Variants in STARD5 observed in about 807,000 individuals in gnomAD.
STARD5 encodes StAR related lipid transfer domain containing 5.
A neutral mutation model predicts 24.6 loss-of-function variants in STARD5; 26 were observed. The ratio of observed to expected loss-of-function variants is 1.06; its 90% CI spans 0.77 to 1.47. The LOEUF (loss-of-function observed/expected upper bound fraction) is 1.47. STARD5 is among the 40% of genes most tolerant of loss of function. The probability of loss-of-function intolerance (pLI) is 0.00; values close to 1 mark genes in which losing one functional copy is unlikely to be tolerated. For synonymous variants in STARD5, 101 were observed against 99.7 expected, an observed-to-expected ratio of 1.01 and a Z score of -0.07; for missense variants, 254 against 270.8, an observed-to-expected ratio of 0.94 and a Z score of 0.44.
Position 81,313,386 on chromosome 15 carries a change from T to C in STARD5, c.512A>G (p.Asn171Ser). 1 of 1,564,782 alleles carries C rather than the reference T, an allele frequency of 6.4e-7. No homozygotes were observed. The highest frequency in any genetic ancestry group is 8.7e-7 in the Non-Finnish European group (1 of 1,153,996). ...GTCGGTATGGAAGAATGTGACCAGG[T>C]TGGTCTTGGTGGGTTCCCTGTGAAG... ...EPLPGEPTKT[N>S]LVTFFHTDLS... Residue 171 changes from asparagine to serine, a missense_variant, in exon 6 of 6, where the codon AAC (asparagine) becomes AGC (serine). By Grantham distance (46) the Asn-to-Ser change is conservative. Transcript: ENST00000302824.
chr15:81,318,634 G>C, intron 4 of STARD5, 132 bp from the exon 5 acceptor site: 1 of 739,090 alleles, frequency 1.4e-6, no homozygotes, highest in Non-Finnish European at 2.3e-6. Flanking sequence ...GCCTCTTGGC[G>C]TGAGTTCCCC....
chr15:81,313,543 C>T (rs1900980883), intron 5 of STARD5, 140 bp from the exon 6 acceptor site: 4 of 732,720 alleles, frequency 5.5e-6, no homozygotes, highest in South Asian at 7.9e-5. Flanking sequence ...GTGCCCTCCA[C>T]CCAGGAGTCC....
At chr15:81,317,588 G>C (rs1373805882) in intron 5 of STARD5, among the ~76,000 whole-genome samples, 1 of 152,204 alleles carries the variant, frequency 6.6e-6, no homozygotes, top group Admixed American at 6.5e-5. Flanking sequence ...GCTTAGCAAA[G>C]AGGGTAACAT....
chr15:81,319,991 T>C (rs967298802), intron 3 of STARD5, among the ~76,000 whole-genome samples: 20 of 152,332 alleles, frequency 1.3e-4, no homozygotes, highest in Middle Eastern at 3.4e-3. Flanking sequence ...CTCTTTGGTT[T>C]ACCCTAGTCC....
chr15:81,314,588 A>G (rs1012915961), intron 5 of STARD5, among the ~76,000 whole-genome samples: 23 of 152,126 alleles, frequency 1.5e-4, no homozygotes, highest in African/African-American at 5.3e-4. Context: ...GACCTTTTAG[A>G]ATCCCACTCC....
At chr15:81,319,832 G>A (rs1901160189) in intron 3 of STARD5, among the ~76,000 whole-genome samples, 2 of 152,166 alleles carry the variant, frequency 1.3e-5, no homozygotes, top group South Asian at 2.1e-4. Flanking sequence ...TGAGGAAACT[G>A]ACACTTAGAG....
intron 5 of STARD5, among the ~76,000 whole-genome samples, chr15:81,314,946 CAA>C (rs1359922243): frequency 7.1e-6 from 1 of 140,816 alleles, no homozygotes; most frequent in Non-Finnish European, 1.5e-5. Flanking sequence ...TACAGAAGGA[CAA>C]CTGGGGCATG....
At chr15:81,318,545 G>A (rs139996169) in intron 4 of STARD5, 43 bp from the exon 5 acceptor site, 42 of 1,570,330 alleles carry the variant, frequency 2.7e-5, no homozygotes, top group South Asian at 7.8e-5. Flanking sequence ...AACTTCAGAC[G>A]GTCAGGTCAC....
intron 5 of STARD5, among the ~76,000 whole-genome samples, chr15:81,314,624 C>CCTGTAA (rs773435286): frequency 1.3e-5 from 2 of 152,082 alleles, no homozygotes; most frequent in Non-Finnish European, 2.9e-5. Context: ...GTGGCTCATG[C>CCTGTAA]CTGTAATCCC....
intron 4 of STARD5, among the ~76,000 whole-genome samples, chr15:81,318,928 G>T (rs1245653983): frequency 6.6e-6 from 1 of 152,224 alleles, no homozygotes; most frequent in Non-Finnish European, 1.5e-5. Flanking sequence ...AAGAATTGGA[G>T]GAATGGCAGG....
intron 4 of STARD5, among the ~76,000 whole-genome samples, chr15:81,318,766 A>G (rs752970057): frequency 6.6e-5 from 10 of 152,162 alleles, no homozygotes; most frequent in Non-Finnish European, 1.3e-4. Context: ...ATCCACATTC[A>G]CACATAAACA....
chr15:81,322,775 CT>C (rs980009304), intron 2 of STARD5, 123 bp downstream of exon 2: 31 of 1,397,592 alleles, frequency 2.2e-5, no homozygotes, highest in Non-Finnish European at 2.9e-5. Context: ...AACAGTAAGG[CT>C]TTTCTGGAGG....
In STARD5 at chr15:81,313,326, G is replaced by A; in HGVS notation, c.572C>T (p.Ser191Phe). The A allele has an allele frequency of 6.3e-7, 1 of 1,579,598 alleles. No homozygotes were observed. Among genetic ancestry groups the A allele is most frequent in the Non-Finnish European group, 8.6e-7 (1 of 1,163,250 alleles). ...CCGGGTCATGCTGCGGGGGAAGAAGGAGTCCACCACGTTCTGTGGGAGGTA... is the reference window on the plus strand; with the variant it reads ...CCGGGTCATGCTGCGGGGGAAGAAGAAGTCCACCACGTTCTGTGGGAGGTA... The part of the protein sequence containing the change: ...SGYLPQNVVD[S>F]FFPRSMTRFY... The change falls in exon 6 of 6, where the codon TCC (serine) becomes TTC (phenylalanine). Residue 191 changes from serine to phenylalanine, a missense_variant. Coordinates refer to ENST00000302824, the MANE Select transcript of STARD5 (RefSeq NM_181900.3).
chr15:81,322,465 T>C lies in STARD5; in HGVS notation c.225A>G (p.Leu75=). The C allele has an allele frequency of 6.2e-7, 1 of 1,614,226 alleles. No individual in the cohort carries two copies. The highest frequency in any genetic ancestry group is 8.5e-7 in the Non-Finnish European group (1 of 1,180,040). Reference sequence around the variant, plus strand: ...TCACATTCTCATCCCACTTCACTCGTAGGCCTCCAACAGCTGGCTTCACAC... The same window carrying C: ...TCACATTCTCATCCCACTTCACTCGCAGGCCTCCAACAGCTGGCTTCACAC... The part of the protein sequence containing the change: ...WDCVKPAVGG[L]RVKWDENVTG... The change falls in exon 3 of 6, where the codon CTA becomes CTG. Residue 75 remains leucine (L), a synonymous_variant. Coordinates refer to ENST00000302824, the MANE Select transcript of STARD5 (RefSeq NM_181900.3).
rs183881611 is a variant in STARD5 at position 81,310,067 on chromosome 15, A to T, written c.*3189T>A. ...TGGATGCCTGATTGCCAAGCTCAGG[A>T]CCAGGCAATGTGACTTTGCATCAGC... On this transcript the variant is annotated 3_prime_UTR_variant, in exon 6 of 6. Transcript: ENST00000302824. The T allele has an allele frequency of 6.6e-6, 1 of 152,396 alleles. No homozygotes were observed. Among genetic ancestry groups the T allele is most frequent in the Non-Finnish European group, 1.5e-5 (1 of 68,048 alleles). The allele number at this position is 152,396 out of a possible 1,614,324, so 9.4% of individuals were successfully genotyped here.
chr15:81,322,960 C>T lies in STARD5; in HGVS notation c.100-12G>A, dbSNP rs200443527. 4 of 1,613,832 alleles carry T rather than the reference C, an allele frequency of 2.5e-6. No individual in the cohort carries two copies. The highest frequency in any genetic ancestry group is 1.6e-4 in the Middle Eastern group (1 of 6,084). ...ACTGAAACTCCATTCTGTCAAAAGG[C>T]ACAGAACCACAGAATTTTAGAGCTA... On this transcript the variant is annotated splice_polypyrimidine_tract_variant and intron_variant, in intron 1 of 5. Transcript: ENST00000302824.
chr15:81,319,780 C>G (rs1901158956), intron 3 of STARD5, among the ~76,000 whole-genome samples: 2 of 152,198 alleles, frequency 1.3e-5, no homozygotes, highest in South Asian at 4.1e-4. Context: ...TCTCAGCTGT[C>G]CCTTACCTTT....
At chr15:81,320,922 A>C (rs796483178) in intron 3 of STARD5, among the ~76,000 whole-genome samples, 27 of 152,346 alleles carry the variant, frequency 1.8e-4, no homozygotes, top group African/African-American at 6.3e-4. Context: ...CTATCCATCC[A>C]TCCACCTATC....
intron 5 of STARD5, among the ~76,000 whole-genome samples, chr15:81,315,541 T>C (rs1227095296): frequency 6.6e-6 from 1 of 152,146 alleles, no homozygotes; most frequent in Non-Finnish European, 1.5e-5. Context: ...GTGACGCACT[T>C]AGCATCCTTC....
Sources: gnomAD v4.1 joint callset for allele counts (sites outside exome capture counted in the v4.1 genomes callset) on GRCh38, gnomAD v4.1.1 for gene constraint, MANE v1.5 for transcripts, NCBI Gene and HGNC (gene_info 2026-07-23, HGNC 2026-07-21) for gene names.